Variants in JMY observed in about 807,000 individuals in gnomAD.
JMY encodes the protein junction mediating and regulatory protein, p53 cofactor.
A neutral mutation model predicts 103.3 loss-of-function variants in JMY; 46 were observed. That is an observed-to-expected ratio of 0.45 (90% CI 0.35 to 0.57). JMY has a LOEUF of 0.57. Among genes scored for constraint, JMY ranks in the 20% least tolerant of loss-of-function variants. JMY has a pLI of 0.00. For synonymous variants in JMY, 526 were observed against 489.3 expected (o/e 1.07, Z -0.99); for missense variants, 1,238 against 1,255.2 (o/e 0.99, Z 0.21).
chr5:79,300,325 C>A lies in JMY; in HGVS notation c.1693+7C>A. ...ATCAAAAGACTTATATCAGGTATGG[C>A]GTGCATTTAACCACATAAGTTCACC... On this transcript the variant is annotated splice_region_variant and intron_variant, in intron 5 of 10. Transcript: ENST00000396137. 1.3e-6 allele frequency: 2 copies of A among 1,517,154 alleles called. No individual in the cohort carries two copies. The highest frequency in any genetic ancestry group is 1.8e-6 in the Non-Finnish European group (2 of 1,135,594). The allele number at this position is 1,517,154 out of a possible 1,614,324, so 94.0% of individuals were successfully genotyped here.
intron 9 of JMY, 79 bp from the exon 10 acceptor site, chr5:79,315,921 C>T (rs527544722): frequency 1.8e-5 from 23 of 1,245,024 alleles, no homozygotes; most frequent in Non-Finnish European, 2.3e-5. Flanking sequence ...TTCACAGTTG[C>T]GAACGGTAGA....
intron 1 of JMY, among the ~76,000 whole-genome samples, chr5:79,238,453 GAAT>G (rs1054717881): frequency 7.2e-5 from 11 of 152,050 alleles, no homozygotes; most frequent in Non-Finnish European, 1.5e-4. Flanking sequence ...TGGGGCTCTA[GAAT>G]GTGTAGGAAA....
At chr5:79,253,037 T>A (rs1745135329) in intron 1 of JMY, among the ~76,000 whole-genome samples, 1 of 152,144 alleles carries the variant, frequency 6.6e-6, no homozygotes, top group African/African-American at 2.4e-5. Flanking sequence ...GTGATACTAT[T>A]TAATTTCTTG....
chr5:79,278,170 T>TAAA, intron 2 of JMY, 87 bp downstream of exon 2: 38 of 651,892 alleles, frequency 5.8e-5, no homozygotes, highest in South Asian at 2.5e-4. Context: ...AGAGGAACTT[T>TAAA]AAAAAAAAAA....
intron 1 of JMY, among the ~76,000 whole-genome samples, chr5:79,266,701 T>C (rs1475099096): frequency 6.6e-6 from 1 of 152,232 alleles, no homozygotes; most frequent in Non-Finnish European, 1.5e-5. Context: ...TGTATTTTTG[T>C]ATCCATTAAC....
chr5:79,240,730 GTGAT>G (rs761083666), intron 1 of JMY, among the ~76,000 whole-genome samples: 2 of 152,242 alleles, frequency 1.3e-5, no homozygotes, highest in African/African-American at 2.4e-5. Context: ...GAAGTGTGGT[GTGAT>G]TGATTGGTGA....
Position 79,323,171 on chromosome 5 carries a change from TG to T in JMY, c.*1570del, listed in dbSNP as rs1328984563. The stretch of plus-strand genomic sequence containing the variant: ...TTTGCCATGTTGCCCACGCTGGTCT[TG>T]AACTCCTGGACTCAAGCAATCTGCC... On this transcript the variant is annotated 3_prime_UTR_variant, in exon 11 of 11. Coordinates refer to ENST00000396137, the MANE Select transcript of JMY (RefSeq NM_152405.5). 1 of 152,238 alleles carries T rather than the reference TG, an allele frequency of 6.6e-6. No homozygotes were observed. The highest frequency in any genetic ancestry group is 1.9e-4 in the East Asian group (1 of 5,194). The allele number at this position is 152,238 out of a possible 1,614,324, so 9.4% of individuals were successfully genotyped here.
chr5:79,282,022 G>A (rs960102978), intron 2 of JMY, among the ~76,000 whole-genome samples: 2 of 151,978 alleles, frequency 1.3e-5, no homozygotes, highest in African/African-American at 4.8e-5. Context: ...TGGCTAACAC[G>A]GTGAAACCCT....
At chr5:79,291,074 T>C in intron 3 of JMY, 56 bp from the exon 4 acceptor site, 1 of 1,209,638 alleles carries the variant, frequency 8.3e-7, no homozygotes, top group Non-Finnish European at 1.1e-6. Context: ...CTTTTTCAAA[T>C]GCTTCAGTAT....
At chr5:79,284,300 A>G in intron 2 of JMY, 2 of 1,456,718 alleles carry the variant, frequency 1.4e-6, no homozygotes, top group South Asian at 1.1e-5. Context: ...TAACGAAGAC[A>G]TCATGGAGAG....
rs375536441 is a variant in JMY, at chr5:79,238,648, C to T, written c.1032+966C>T. ...AATGCACCCCCGCCCTCCGCGCCTT[C>T]TTTTTTTTTTTTTTTTTTGGAAGCA... On this transcript the variant is annotated intron_variant, in intron 1 of 10. Transcript: ENST00000396137. 2.4e-4 allele frequency among the ~76,000 whole-genome samples: 29 copies of T among 120,668 alleles called. No individual in the cohort carries two copies. In the South Asian group the frequency reaches 2.6e-3, roughly 11 times the overall value. The allele number at this position is 120,668 out of a possible 152,430, so 79.2% of individuals were successfully genotyped here. A position where few individuals can be genotyped will look rare whatever the true frequency, so the allele number is the denominator to read the frequency against.
intron 1 of JMY, among the ~76,000 whole-genome samples, chr5:79,265,171 G>A (rs560933838): frequency 1.3e-5 from 2 of 152,134 alleles, no homozygotes; most frequent in African/African-American, 2.4e-5. Flanking sequence ...TGATCCGCCC[G>A]CCTTGGCCTC....
chr5:79,298,936 A>G (rs537911252), intron 4 of JMY, among the ~76,000 whole-genome samples: 1 of 152,302 alleles, frequency 6.6e-6, no homozygotes, highest in African/African-American at 2.4e-5. Flanking sequence ...TCGCCAGACA[A>G]AAGGGATCAT....
At chr5:79,305,900 A>G (rs538683726) in intron 6 of JMY, among the ~76,000 whole-genome samples, 1 of 152,310 alleles carries the variant, frequency 6.6e-6, no homozygotes, top group Non-Finnish European at 1.5e-5. Flanking sequence ...ACATGTTTAA[A>G]GAGCATAATG....
intron 8 of JMY, among the ~76,000 whole-genome samples, chr5:79,312,907 C>T (rs781572459): frequency 2.0e-5 from 3 of 152,134 alleles, no homozygotes; most frequent in Non-Finnish European, 4.4e-5. Flanking sequence ...AGGGGAGCAG[C>T]ATATTTGAGA....
At chr5:79,284,052 CT>C (rs930382027) in intron 2 of JMY, 72 of 993,498 alleles carry the variant, frequency 7.2e-5, no homozygotes, top group Non-Finnish European at 9.5e-5. Flanking sequence ...AAATTACTTT[CT>C]TTTTTTTATT....
Position 79,237,305 on chromosome 5 carries a change from G to A in JMY, c.655G>A (p.Glu219Lys). The A allele has an allele frequency of 6.4e-7, 1 of 1,565,180 alleles. No homozygotes were observed. Among genetic ancestry groups the A allele is most frequent in the Non-Finnish European group, 8.7e-7 (1 of 1,155,360 alleles). The change falls in exon 1 of 11, where the codon GAG (glutamate) becomes AAG (lysine). Residue 219 changes from glutamate to lysine, a missense_variant. Physicochemically the swap from Glu to Lys is moderately conservative, Grantham distance 56 (BLOSUM62 1). Coordinates refer to ENST00000396137, the MANE Select transcript of JMY (RefSeq NM_152405.5). ...CGCGGAGCAGCCGCCGCCCGCCACC[G>A]AGCTGGAGTCTCCGGCCGAAGAGTG... ...SDAEQPPPATELESPAEECSW... is the reference protein window; with the variant it reads ...SDAEQPPPATKLESPAEECSW...
intron 2 of JMY, among the ~76,000 whole-genome samples, chr5:79,285,960 G>A (rs956412113): frequency 2.7e-5 from 2 of 72,728 alleles, no homozygotes; most frequent in Admixed American, 1.1e-4. Context: ...GCTGACACGC[G>A]CTTTTTTTCC....
chr5:79,247,977 C>T (rs1379180959), intron 1 of JMY, among the ~76,000 whole-genome samples: 2 of 151,722 alleles, frequency 1.3e-5, no homozygotes, highest in African/African-American at 2.4e-5. Flanking sequence ...ACTGCAACCT[C>T]CACCTCCCAG....
Sources: gnomAD v4.1 joint callset for allele counts (sites outside exome capture counted in the v4.1 genomes callset) on GRCh38, gnomAD v4.1.1 for gene constraint, MANE v1.5 for transcripts, NCBI Gene and HGNC (gene_info 2026-07-23, HGNC 2026-07-21) for gene names.